The following VPS13B variants were observed in gnomAD, a reference collection of about 807,000 sequenced individuals.
VPS13B encodes vacuolar protein sorting 13 homolog B, also known as intermembrane lipid transfer protein VPS13B.
A neutral mutation model predicts 426.4 loss-of-function variants in VPS13B; 285 were observed. The observed-to-expected ratio is 0.67, with a 90% CI of 0.61 to 0.74. VPS13B has a LOEUF of 0.74. VPS13B is among the 30% of genes least tolerant of loss of function. VPS13B has a pLI of 0.00. For synonymous variants in VPS13B, 1,676 were observed against 1,676.4 expected, an observed-to-expected ratio of 1.00 and a Z score of 0.01; for missense variants, 4,537 against 4,782.6, an observed-to-expected ratio of 0.95 and a Z score of 1.51.
intron 25 of VPS13B, among the ~76,000 whole-genome samples, chr8:99,497,996 GT>G (rs1314912759): frequency 6.6e-6 from 1 of 151,826 alleles, no homozygotes; most frequent in Non-Finnish European, 1.5e-5. Context: ...ATCAAAACAG[GT>G]TAGAAAAATG....
chr8:99,674,774 A>G (rs1051411008), intron 35 of VPS13B, among the ~76,000 whole-genome samples: 1 of 152,082 alleles, frequency 6.6e-6, no homozygotes, highest in African/African-American at 2.4e-5. Flanking sequence ...AAAATCTTAT[A>G]GTTATAACAG....
intron 34 of VPS13B, among the ~76,000 whole-genome samples, chr8:99,644,399 G>T (rs1410331777): frequency 6.6e-6 from 1 of 152,120 alleles, no homozygotes; most frequent in Non-Finnish European, 1.5e-5. Flanking sequence ...ATTCAGCAAA[G>T]TTATAAGAGC....
At chr8:99,200,686 T>A (rs1473444910) in intron 17 of VPS13B, among the ~76,000 whole-genome samples, 1 of 152,116 alleles carries the variant, frequency 6.6e-6, no homozygotes. Flanking sequence ...TATTAGCTAT[T>A]TCTATCTCTT....
At chr8:99,510,217 G>C (rs568623786) in intron 28 of VPS13B, among the ~76,000 whole-genome samples, 3 of 152,140 alleles carry the variant, frequency 2.0e-5, no homozygotes, top group Non-Finnish European at 4.4e-5. Context: ...AGTTATCAAA[G>C]CATGGTATCG....
chr8:99,812,598 A>G (rs77912140), intron 44 of VPS13B, among the ~76,000 whole-genome samples: 7,241 of 152,228 alleles, frequency 0.048, 193 homozygotes, highest in African/African-American at 0.066. Flanking sequence ...ATTTCCCTCA[A>G]TTGAATGAAA....
intron 6 of VPS13B, among the ~76,000 whole-genome samples, chr8:99,115,469 A>T (rs961271039): frequency 1.3e-5 from 2 of 152,118 alleles, no homozygotes; most frequent in Non-Finnish European, 2.9e-5. Context: ...TTCCATTTGT[A>T]TGTACATCAT....
chr8:99,028,950 T>G (rs1842333154), intron 2 of VPS13B, among the ~76,000 whole-genome samples: 1 of 129,592 alleles, frequency 7.7e-6, no homozygotes, highest in African/African-American at 3.0e-5. Context: ...ACGGGGTGGC[T>G]GCCGGACGGA....
chr8:99,790,713 C>T (rs1396506776), intron 43 of VPS13B, among the ~76,000 whole-genome samples: 1 of 152,078 alleles, frequency 6.6e-6, no homozygotes, highest in African/African-American at 2.4e-5. Flanking sequence ...GGCAAGGCTT[C>T]CAGACAGAAG....
At chr8:99,321,027 A>G (rs1252120983) in intron 19 of VPS13B, among the ~76,000 whole-genome samples, 1 of 152,174 alleles carries the variant, frequency 6.6e-6, no homozygotes, top group Admixed American at 6.5e-5. Flanking sequence ...TTAAATATTC[A>G]GTCACTCCAC....
At chr8:99,743,244 A>G (rs1433658826) in intron 39 of VPS13B, among the ~76,000 whole-genome samples, 2 of 152,264 alleles carry the variant, frequency 1.3e-5, no homozygotes, top group South Asian at 2.1e-4. Context: ...AGAATAAAAT[A>G]CCTAGGAATC....
chr8:99,854,592 G>T (rs1816455362), intron 56 of VPS13B, among the ~76,000 whole-genome samples: 1 of 152,146 alleles, frequency 6.6e-6, no homozygotes, highest in African/African-American at 2.4e-5. Context: ...CTGTAACTTA[G>T]AATTTTAGTT....
At chr8:99,604,496 T>G (rs2667459) in intron 33 of VPS13B, among the ~76,000 whole-genome samples, 7 of 112,932 alleles carry the variant, frequency 6.2e-5, no homozygotes, top group East Asian at 2.3e-4. Flanking sequence ...TTCCTTGGTG[T>G]TTTTTTTTTT....
intron 17 of VPS13B, among the ~76,000 whole-genome samples, chr8:99,259,589 G>GT (rs1315245670): frequency 1.3e-5 from 2 of 152,084 alleles, no homozygotes; most frequent in Non-Finnish European, 2.9e-5. Context: ...AACAAAGAAG[G>GT]TTTTTTGTGT....
At chr8:99,750,994 TG>T (rs1563899079) in intron 39 of VPS13B, among the ~76,000 whole-genome samples, 1 of 152,064 alleles carries the variant, frequency 6.6e-6, no homozygotes, top group African/African-American at 2.4e-5. Context: ...GGGCCAGAAT[TG>T]GGGCCTAATT....
At chr8:99,495,292 A>G (rs910677811) in intron 25 of VPS13B, among the ~76,000 whole-genome samples, 2 of 152,192 alleles carry the variant, frequency 1.3e-5, no homozygotes, top group African/African-American at 4.8e-5. Flanking sequence ...GTCACTACAC[A>G]TATTTTTATG....
At chr8:99,648,706 TC>T (rs1476042673) in intron 34 of VPS13B, among the ~76,000 whole-genome samples, 1 of 152,174 alleles carries the variant, frequency 6.6e-6, no homozygotes, top group Admixed American at 6.5e-5. Flanking sequence ...ATCTATATAT[TC>T]AAAACCCTAC....
chr8:99,558,395 A>T (rs1824702695), intron 31 of VPS13B, among the ~76,000 whole-genome samples: 1 of 147,486 alleles, frequency 6.8e-6, no homozygotes, highest in African/African-American at 2.5e-5. Context: ...CTCAGAGTAG[A>T]CATCATGTTT....
intron 44 of VPS13B, among the ~76,000 whole-genome samples, chr8:99,816,856 A>G (rs909083201): frequency 8.5e-5 from 13 of 152,186 alleles, no homozygotes; most frequent in Admixed American, 6.5e-5. Context: ...AGATATCTGC[A>G]TCAAAGATTT....
rs1812158857 is a variant in VPS13B, at chr8:99,784,375, C to A, written c.7840C>A (p.Gln2614Lys). The A allele has an allele frequency of 2.5e-6, 4 of 1,613,742 alleles. No homozygotes were observed. The highest frequency in any genetic ancestry group is 3.4e-6 in the Non-Finnish European group (4 of 1,179,712). ...FSHFVICNDT[Q>K]ETLRFGQVDT... ...CCATTTTGTGATCTGTAATGACACACAGGAGACACTGCGGTTTGGCCAGGT... is the reference window on the plus strand; with the variant it reads ...CCATTTTGTGATCTGTAATGACACAAAGGAGACACTGCGGTTTGGCCAGGT... Residue 2614 changes from glutamine (Q) to lysine (K), a missense_variant, in exon 43 of 62, where the codon CAG becomes AAG. Gln to Lys is a moderately conservative substitution (Grantham distance 53). Around this residue, in one of 2 missense-constraint regions of VPS13B, gnomAD observed 4,311 missense variants for 4,474.3 expected, o/e 0.96. Transcript: ENST00000357162.
Sources: allele counts gnomAD v4.1 joint callset (sites outside exome capture counted in the v4.1 genomes callset), GRCh38; gene constraint gnomAD v4.1.1; regional missense constraint gnomAD v4.1.1; transcripts MANE v1.5; gene names NCBI Gene and HGNC (gene_info 2026-07-23, HGNC 2026-07-21).